The following NRXN1 variants were observed in gnomAD, a reference collection of about 807,000 sequenced individuals.
NRXN1 encodes neurexin 1.
A neutral mutation model predicts 150.9 loss-of-function variants in NRXN1; 39 were observed. The observed-to-expected ratio is 0.26, with a 90% confidence interval of 0.20 to 0.34. The LOEUF is 0.34. Ranked by LOEUF, NRXN1 falls within the 10% of genes least tolerant of loss-of-function variation. NRXN1 has a pLI of 1.00. For missense variants in NRXN1, 1,815 were observed against 1,949.9 expected, an observed-to-expected ratio of 0.93 and a Z score of 1.30; for synonymous variants, 924 against 757.0, an observed-to-expected ratio of 1.22 and a Z score of -3.62.
chr2:50,746,971 A>G (rs1488777764), intron 5 of NRXN1, among the ~76,000 whole-genome samples: 1 of 152,104 alleles, frequency 6.6e-6, no homozygotes, highest in Admixed American at 6.5e-5. Flanking sequence ...AATGTGTCTG[A>G]AGACTGCTCA....
At chr2:51,016,601 A>G (rs1264167288) in intron 2 of NRXN1, among the ~76,000 whole-genome samples, 1 of 152,132 alleles carries the variant, frequency 6.6e-6, no homozygotes, top group African/African-American at 2.4e-5. Flanking sequence ...AAGTCAGGAA[A>G]CAACAGATGC....
At chr2:50,012,405 T>G (rs1025728560) in intron 21 of NRXN1, among the ~76,000 whole-genome samples, 9 of 152,126 alleles carry the variant, frequency 5.9e-5, no homozygotes, top group Non-Finnish European at 1.0e-4. Context: ...ACAAGTAAGT[T>G]ATAATTCATA....
At chr2:50,008,175 TA>T (rs1308883437) in intron 21 of NRXN1, among the ~76,000 whole-genome samples, 2 of 152,164 alleles carry the variant, frequency 1.3e-5, no homozygotes, top group African/African-American at 4.8e-5. Context: ...TTCAATGTTT[TA>T]AATAGCATTG....
At position 50,347,629 on chromosome 2, in the gene NRXN1, G is replaced by A; in HGVS notation, c.3365-110659C>T. On this transcript the variant is annotated intron_variant, in intron 17 of 22. Transcript: ENST00000401669. The surrounding 1 kb of genome is among the most constrained non-coding windows in gnomAD (Gnocchi z 4.9). ...CTCCTGACACTTACGCCCGGCGAGG[G>A]GTTCAGAGGGAAGAGTGCGCCCTTC... The A allele has an allele frequency of 1.0e-6, 1 of 1,000,152 alleles. No individual in the cohort carries two copies. Among genetic ancestry groups the A allele is most frequent in the Non-Finnish European group, 1.2e-6 (1 of 839,034 alleles). The allele number at this position is 1,000,152 out of a possible 1,614,324, so 62.0% of individuals were successfully genotyped here.
chr2:50,061,989 C>G (rs1398510727), intron 19 of NRXN1, among the ~76,000 whole-genome samples: 3 of 151,852 alleles, frequency 2.0e-5, no homozygotes, highest in African/African-American at 7.3e-5. Context: ...GCCATTGCAA[C>G]AAGGTACAAT....
Position 50,623,570 on chromosome 2 carries a change from C to A in NRXN1, c.878G>T (p.Cys293Phe). ...IATFKGSEYF[C>F]YDLSQNPIQS... Reference sequence around the variant, plus strand: ...AATGGGGTTTTGAGACAAGTCGTAGCAGAAGTATTCAGATCCTTTGAACGT... The same window carrying A: ...AATGGGGTTTTGAGACAAGTCGTAGAAGAAGTATTCAGATCCTTTGAACGT... Residue 293 changes from cysteine to phenylalanine, a missense_variant, in exon 6 of 23, where the codon TGC (cysteine) becomes TTC (phenylalanine). Coordinates refer to ENST00000401669, the MANE Select transcript of NRXN1 (RefSeq NM_001330078.2). The A allele has an allele frequency of 6.2e-7, 1 of 1,613,090 alleles. No homozygotes were observed. The highest frequency in any genetic ancestry group is 1.1e-5 in the South Asian group (1 of 91,064).
At chr2:50,113,880 T>C (rs1046745101) in intron 18 of NRXN1, among the ~76,000 whole-genome samples, 1 of 152,166 alleles carries the variant, frequency 6.6e-6, no homozygotes. Flanking sequence ...AATCATTCAA[T>C]GGTCAGTTAA....
chr2:50,152,613 C>T (rs2058759719), intron 18 of NRXN1, among the ~76,000 whole-genome samples: 2 of 151,702 alleles, frequency 1.3e-5, no homozygotes, highest in African/African-American at 2.4e-5. Context: ...TTTTGTTTTG[C>T]TTTATTTTTT....
chr2:50,441,932 A>G lies in NRXN1; in HGVS notation c.3364+23510T>C, dbSNP rs138263408. ...AAAGAATCATGGGATGATATGATAAACCATCAGCTCTTTCCAAGCACTGTT... is the reference window on the plus strand; with the variant it reads ...AAAGAATCATGGGATGATATGATAAGCCATCAGCTCTTTCCAAGCACTGTT... On this transcript the variant is annotated intron_variant, in intron 17 of 22. Coordinates refer to ENST00000401669, the MANE Select transcript of NRXN1 (RefSeq NM_001330078.2). Among the ~76,000 whole-genome samples, 1,150 of 152,254 alleles carry G rather than the reference A, an allele frequency of 7.6e-3. 8 individuals carry two copies. Among genetic ancestry groups the G allele is most frequent in the Non-Finnish European group, 0.014 (926 of 67,994 alleles).
At chr2:50,932,629 G>A (rs1041298467) in intron 2 of NRXN1, among the ~76,000 whole-genome samples, 1 of 152,038 alleles carries the variant, frequency 6.6e-6, no homozygotes, top group African/African-American at 2.4e-5. Flanking sequence ...TAGGTACAGT[G>A]TACACTGCTC....
At chr2:50,154,617 TAAAG>T (rs755022268) in intron 18 of NRXN1, among the ~76,000 whole-genome samples, 4 of 151,586 alleles carry the variant, frequency 2.6e-5, no homozygotes, top group Non-Finnish European at 5.9e-5. Context: ...AGTACTTCAA[TAAAG>T]AAAGGCTCCT....
intron 13 of NRXN1, among the ~76,000 whole-genome samples, chr2:50,500,444 C>T (rs575933924): frequency 6.6e-6 from 1 of 152,250 alleles, no homozygotes; most frequent in East Asian, 1.9e-4. Context: ...AAAATATTAA[C>T]TGATTGTTGC....
intron 8 of NRXN1, among the ~76,000 whole-genome samples, chr2:50,557,478 A>G (rs1468502077): frequency 2.0e-5 from 3 of 152,150 alleles, no homozygotes; most frequent in Non-Finnish European, 4.4e-5. Context: ...ATAAGGAGTG[A>G]GGCCTAAGAA....
At chr2:49,956,871 C>G (rs988418728) in intron 21 of NRXN1, among the ~76,000 whole-genome samples, 2 of 152,092 alleles carry the variant, frequency 1.3e-5, no homozygotes, top group African/African-American at 4.8e-5. Flanking sequence ...ACTTTTAGTT[C>G]TCCAATTTAA....
intron 9 of NRXN1, chr2:50,548,249 C>T (rs190038290): frequency 6.6e-6 from 1 of 152,198 alleles, no homozygotes; most frequent in Admixed American, 6.5e-5. Context: ...ACCTCAAGAC[C>T]AAGAAGGGAC....
chr2:50,871,715 T>C (rs1215291470), intron 5 of NRXN1, among the ~76,000 whole-genome samples: 2 of 151,830 alleles, frequency 1.3e-5, no homozygotes, highest in African/African-American at 4.8e-5. Flanking sequence ...TAAAAGCATA[T>C]TAAGGAGCTT....
chr2:50,443,376 C>T (rs1036281015), intron 17 of NRXN1, among the ~76,000 whole-genome samples: 4 of 152,256 alleles, frequency 2.6e-5, no homozygotes, highest in Middle Eastern at 3.4e-3. Context: ...TCAAGTACGG[C>T]CTTGGCCTTC....
intron 5 of NRXN1, among the ~76,000 whole-genome samples, chr2:50,819,257 A>G (rs1423729728): frequency 1.3e-5 from 2 of 152,214 alleles, no homozygotes; most frequent in African/African-American, 2.4e-5. Flanking sequence ...ATTACTCGCA[A>G]TAGCCAAAGG....
At chr2:50,093,457 T>TAAAA (rs773973296) in intron 18 of NRXN1, among the ~76,000 whole-genome samples, 2 of 51,224 alleles carry the variant, frequency 3.9e-5, no homozygotes, top group African/African-American at 1.1e-4. Flanking sequence ...TCTTTACTAT[T>TAAAA]AAAAAAAAAG....
Sources: gnomAD v4.1 joint callset for allele counts (sites outside exome capture counted in the v4.1 genomes callset) on GRCh38, gnomAD v4.1.1 for gene constraint, Gnocchi (gnomAD v3.1) non-coding constraint, MANE v1.5 for transcripts, NCBI Gene and HGNC (gene_info 2026-07-23, HGNC 2026-07-21) for gene names.